The following TATDN2 variants were observed in gnomAD, a reference collection of about 807,000 sequenced individuals.
TATDN2 encodes 3'-5' RNA nuclease TATDN2.
TATDN2 carries 44 observed loss-of-function variants against 60.3 expected under a neutral mutation model. The observed-to-expected ratio is 0.73, with a 90% CI of 0.57 to 0.94. The LOEUF is 0.94. TATDN2 is among the 40% of genes least tolerant of loss of function. The pLI is 0.00. For missense variants in TATDN2, 997 were observed against 948.0 expected (o/e 1.05, Z -0.68); for synonymous variants, 399 against 355.8 (o/e 1.12, Z -1.37).
At chr3:10,254,833 G>C (rs114404212) in intron 2 of TATDN2, among the ~76,000 whole-genome samples, 1,610 of 152,238 alleles carry the variant, frequency 0.011, 20 homozygotes, top group African/African-American at 0.037. Flanking sequence ...TATGAAGTCA[G>C]GTGGTTTGTC....
At chr3:10,272,468 C>T (rs1416614555) in intron 4 of TATDN2, among the ~76,000 whole-genome samples, 2 of 146,918 alleles carry the variant, frequency 1.4e-5, no homozygotes, top group African/African-American at 5.1e-5. Flanking sequence ...GGCAGAGTTT[C>T]ACTCTTGTTG....
Position 10,251,481 on chromosome 3 carries a change from G to A in TATDN2, c.414+1867G>A, listed in dbSNP as rs547931062. Among the ~76,000 whole-genome samples the A allele has an allele frequency of 2.6e-5, 4 of 152,154 alleles. 1 individual carries two copies. In the East Asian group the frequency reaches 7.8e-4, roughly 30 times the overall value. ...GCTCACTGCAGCCTCCACCTCCTGGGTTCAAACAATTCTCCTGCCTCAGCC... is the reference window on the plus strand; with the variant it reads ...GCTCACTGCAGCCTCCACCTCCTGGATTCAAACAATTCTCCTGCCTCAGCC... On this transcript the variant is annotated intron_variant, in intron 2 of 7. Transcript: ENST00000448281.
intron 5 of TATDN2, among the ~76,000 whole-genome samples, chr3:10,276,858 A>G (rs242730): frequency 0.35 from 52,929 of 152,038 alleles, 9,332 homozygotes; most frequent in Middle Eastern, 0.4. Context: ...AAGTGCTGGG[A>G]TTATAGGCGT....
At position 10,279,272 on chromosome 3, in the gene TATDN2, G is replaced by T. The variant is rs1000455914; in HGVS notation, c.*90G>T. The T allele has an allele frequency of 8.5e-6, 4 of 470,144 alleles. No individual in the cohort carries two copies. The highest frequency in any genetic ancestry group is 1.1e-5 in the Non-Finnish European group (3 of 263,712). 29.1% of individuals were successfully genotyped at this position (470,144 alleles called of 1,614,324 possible). A position where few individuals can be genotyped will look rare whatever the true frequency, so the allele number is the denominator to read the frequency against. On this transcript the variant is annotated 3_prime_UTR_variant, in exon 8 of 8. Transcript: ENST00000448281. ...GGCTGGCTTGAAGTCTGTGTCTCAG[G>T]TCGAGGATGTGTTTAGAGAGCTGAT...
intron 5 of TATDN2, among the ~76,000 whole-genome samples, chr3:10,276,838 C>T (rs537247252): frequency 5.3e-5 from 8 of 152,322 alleles, no homozygotes; most frequent in South Asian, 4.1e-4. Flanking sequence ...CTGCCTGCCT[C>T]GGCCTCCCAA....
At chr3:10,263,660 T>C (rs975377770) in intron 3 of TATDN2, among the ~76,000 whole-genome samples, 4 of 152,206 alleles carry the variant, frequency 2.6e-5, no homozygotes, top group Non-Finnish European at 5.9e-5. Context: ...GTTATCTCTT[T>C]TAGGGAGTTC....
At position 10,278,985 on chromosome 3, in the gene TATDN2, C is replaced by A. The variant is rs201571997; in HGVS notation, c.2246C>A (p.Ala749Asp). ...GATCAGCCACTCTCCCTCACCTTGG[C>A]TGCCTTGCGTGAGAACACCAGTCGC... The part of the protein sequence containing the change: ...VKDQPLSLTL[A>D]ALRENTSRLY... The change falls in exon 7 of 8, where the codon GCT becomes GAT. Residue 749 changes from alanine (A) to aspartate (D), a missense_variant. Physicochemically the swap from Ala to Asp is moderately radical, Grantham distance 126. Transcript: ENST00000448281. The surrounding 1 kb of genome is among the most constrained non-coding windows in gnomAD (Gnocchi z 4.7). 1.9e-6 allele frequency: 3 copies of A among 1,614,258 alleles called. No homozygotes were observed. In the East Asian group the frequency reaches 6.7e-5, roughly 36 times the overall value.
chr3:10,268,625 AC>A (rs1482321261), intron 3 of TATDN2, among the ~76,000 whole-genome samples: 2 of 152,178 alleles, frequency 1.3e-5, no homozygotes, highest in Admixed American at 1.3e-4. Context: ...CCTTGGCCCC[AC>A]CTTGGACCTA....
intron 2 of TATDN2, among the ~76,000 whole-genome samples, chr3:10,254,405 G>A (rs983351078): frequency 6.6e-6 from 1 of 152,192 alleles, no homozygotes; most frequent in Non-Finnish European, 1.5e-5. Context: ...AATGCTGCTT[G>A]TCTGGAGTGC....
chr3:10,254,206 C>G (rs1256524193), intron 2 of TATDN2, among the ~76,000 whole-genome samples: 1 of 152,210 alleles, frequency 6.6e-6, no homozygotes, highest in African/African-American at 2.4e-5. Flanking sequence ...TGAGAAGTCA[C>G]TCACCACGGG....
At chr3:10,276,543 T>C in intron 5 of TATDN2, 55 bp downstream of exon 5, 3 of 1,591,692 alleles carry the variant, frequency 1.9e-6, no homozygotes, top group South Asian at 1.1e-5. Context: ...CTCTGTCAAG[T>C]TGATGAGGAC....
chr3:10,275,043 T>TGGCATGATCTCAGCTCACTGCAGC, intron 4 of TATDN2, among the ~76,000 whole-genome samples: 1 of 150,002 alleles, frequency 6.7e-6, no homozygotes, highest in East Asian at 2.0e-4. Context: ...TGGAGTGCAG[T>TGGCATGATCTCAGCTCACTGCAGC]GGCATGATCT....
intron 3 of TATDN2, among the ~76,000 whole-genome samples, chr3:10,265,271 T>G (rs1447318135): frequency 6.7e-6 from 1 of 148,494 alleles, no homozygotes; most frequent in Non-Finnish European, 1.5e-5. Flanking sequence ...GAGACAGGAT[T>G]TCACCATGCT....
intron 4 of TATDN2, among the ~76,000 whole-genome samples, chr3:10,272,845 G>A (rs1002498040): frequency 6.6e-6 from 1 of 150,708 alleles, no homozygotes; most frequent in Non-Finnish European, 1.5e-5. Flanking sequence ...GACCAGCCTG[G>A]CCAACATGGT....
rs961443403 is a variant in TATDN2, at chr3:10,260,156, C to A, written c.434C>A (p.Ser145Tyr). ...TCCCAGGTTGATTCCAAAGATAGTT[C>A]TCATAACTCCACAAACTCTGAATTT... Reference protein sequence around the residue: ...CSLKVDSKDSSHNSTNSEFAA... With the variant: ...CSLKVDSKDSYHNSTNSEFAA... Residue 145 changes from serine to tyrosine, a missense_variant, in exon 3 of 8, where the codon TCT becomes TAT. Ser to Tyr is a moderately radical substitution (Grantham distance 144, BLOSUM62 -2). Coordinates refer to ENST00000448281, the MANE Select transcript of TATDN2 (RefSeq NM_014760.4). 2 of 1,611,694 alleles carry A rather than the reference C, an allele frequency of 1.2e-6. No individual in the cohort carries two copies. Among genetic ancestry groups the A allele is most frequent in the African/African-American group, 1.3e-5 (1 of 74,626 alleles).
chr3:10,279,867 T>C lies in TATDN2; in HGVS notation c.*685T>C, dbSNP rs77318135. On this transcript the variant is annotated 3_prime_UTR_variant, in exon 8 of 8. Coordinates refer to ENST00000448281, the MANE Select transcript of TATDN2 (RefSeq NM_014760.4). ...GAGCACTCATTGTCCATGATGGAGA[T>C]CCAGGACAGACTGGGGGACTCCGGG... is the stretch of plus-strand genomic sequence containing the variant. The C allele has an allele frequency of 0.02, 3,092 of 153,626 alleles. 44 individuals carry two copies. The highest frequency in any genetic ancestry group is 0.03 in the South Asian group (142 of 4,810). 9.5% of individuals were successfully genotyped at this position (153,626 alleles called of 1,614,324 possible).
At chr3:10,254,289 C>CAGG (rs1017099559) in intron 2 of TATDN2, among the ~76,000 whole-genome samples, 2 of 152,166 alleles carry the variant, frequency 1.3e-5, no homozygotes, top group Non-Finnish European at 2.9e-5. Context: ...GACTGACCAT[C>CAGG]AGGAAGGTCC....
Position 10,279,216 on chromosome 3 carries a change from T to G in TATDN2, c.*39-5T>G. 1.4e-6 allele frequency: 1 copy of G among 738,476 alleles called. No individual in the cohort carries two copies. The highest frequency in any genetic ancestry group is 2.1e-6 in the Non-Finnish European group (1 of 473,602). 45.7% of individuals were successfully genotyped at this position (738,476 alleles called of 1,614,324 possible). ...ACCTTCTTCTTTTTCTCTTCCACCC[T>G]CCAGGGCGACCAGCAGCCTGACAGA... is the stretch of plus-strand genomic sequence containing the variant. On this transcript the variant is annotated splice_polypyrimidine_tract_variant and splice_region_variant and intron_variant, in intron 7 of 7. Transcript: ENST00000448281.
chr3:10,250,301 T>A (rs1698202068), intron 2 of TATDN2, among the ~76,000 whole-genome samples: 1 of 151,892 alleles, frequency 6.6e-6, no homozygotes, highest in Non-Finnish European at 1.5e-5. Context: ...GCTCATCTAC[T>A]CAATCAAGGC....
Sources: gnomAD v4.1 joint callset for allele counts (sites outside exome capture counted in the v4.1 genomes callset) on GRCh38, gnomAD v4.1.1 for gene constraint, Gnocchi (gnomAD v3.1) non-coding constraint, MANE v1.5 for transcripts, NCBI Gene and HGNC (gene_info 2026-07-23, HGNC 2026-07-21) for gene names.